Variants in TNNT2 observed in about 807,000 individuals in gnomAD.
TNNT2 encodes troponin T, cardiac muscle.
TNNT2 carries 34 observed loss-of-function variants against 62.4 expected under a neutral mutation model. The observed-to-expected ratio is 0.54, with a 90% CI of 0.41 to 0.72. TNNT2 has a LOEUF of 0.72. TNNT2 is among the 30% of genes least tolerant of loss of function. TNNT2 has a pLI of 0.00. For missense variants in TNNT2, 275 were observed against 381.9 expected, an observed-to-expected ratio of 0.72 and a Z score of 2.33; for synonymous variants, 123 against 127.2, an observed-to-expected ratio of 0.97 and a Z score of 0.22.
rs747787345 is a variant in TNNT2, at chr1:201,373,205, G to A, written c.41+9C>T. 1.1e-5 allele frequency: 17 copies of A among 1,614,078 alleles called. No homozygotes were observed. The highest frequency in any genetic ancestry group is 1.4e-5 in the Non-Finnish European group (17 of 1,179,940). On this transcript the variant is annotated intron_variant, in intron 2 of 16. Transcript: ENST00000656932. ...GACCCCACTCAGGCAAGATGCTCCA[G>A]ATACTCACTCCTCCTCGTACTCTTC...
At chr1:201,367,962 C>G (rs545528292) in intron 6 of TNNT2, among the ~76,000 whole-genome samples, 156 bp from the exon 7 acceptor site, 2 of 152,310 alleles carry the variant, frequency 1.3e-5, no homozygotes, top group Non-Finnish European at 2.9e-5. Flanking sequence ...ACACATTCCC[C>G]TGGACCCAAG....
intron 14 of TNNT2, 27 bp downstream of exon 14, chr1:201,361,886 C>T: frequency 6.2e-7 from 1 of 1,604,524 alleles, no homozygotes; most frequent in Non-Finnish European, 8.5e-7. Flanking sequence ...CGGGCAGTGC[C>T]CCAGGACCAT....
intron 5 of TNNT2, chr1:201,368,468 C>T: frequency 1.7e-6 from 1 of 603,306 alleles, no homozygotes; most frequent in Non-Finnish European, 3.1e-6. Flanking sequence ...GGGACTCCAC[C>T]TCATTCCCCA....
chr1:201,369,809 G>C lies in TNNT2; in HGVS notation c.97+7C>G, dbSNP rs1660341848. Reference sequence around the variant, plus strand: ...AGAAAGCACCACAGAAGGAAAGGCTGTACTACCGTCTTCGTCCTCTCTCCA... The same window carrying C: ...AGAAAGCACCACAGAAGGAAAGGCTCTACTACCGTCTTCGTCCTCTCTCCA... On this transcript the variant is annotated splice_region_variant and intron_variant, in intron 5 of 16. Coordinates refer to ENST00000656932, the MANE Select transcript of TNNT2 (RefSeq NM_001276345.2). 6.2e-7 allele frequency: 1 copy of C among 1,614,074 alleles called. No individual in the cohort carries two copies. The highest frequency in any genetic ancestry group is 8.5e-7 in the Non-Finnish European group (1 of 1,180,030).
At chr1:201,376,593 A>G (rs1201607511) in intron 1 of TNNT2, among the ~76,000 whole-genome samples, 1 of 152,158 alleles carries the variant, frequency 6.6e-6, no homozygotes, top group Non-Finnish European at 1.5e-5. Flanking sequence ...TTTTGCAGAG[A>G]GAAGGAAGAT....
chr1:201,363,722 G>T (rs1297182977), intron 11 of TNNT2: 1 of 419,736 alleles, frequency 2.4e-6, no homozygotes, highest in Non-Finnish European at 4.5e-6. Context: ...CGGGGCCTTC[G>T]GTTCCCACGA....
intron 4 of TNNT2, among the ~76,000 whole-genome samples, chr1:201,371,022 C>T (rs1001142745): frequency 6.6e-6 from 1 of 152,234 alleles, no homozygotes; most frequent in Non-Finnish European, 1.5e-5. Context: ...CTTCTGTCTC[C>T]TCTTTGGCCA....
intron 4 of TNNT2, among the ~76,000 whole-genome samples, chr1:201,370,950 G>C (rs2102302140): frequency 6.6e-6 from 1 of 152,280 alleles, no homozygotes; most frequent in South Asian, 2.1e-4. Flanking sequence ...TGAAGTATCT[G>C]GTGTTCCTTA....
At chr1:201,361,477 C>A in intron 14 of TNNT2, 108 bp from the exon 15 acceptor site, 1 of 1,078,266 alleles carries the variant, frequency 9.3e-7, no homozygotes. Flanking sequence ...CTTCCCACCT[C>A]CAGGCCTGCC....
chr1:201,364,198 A>C, intron 11 of TNNT2, 100 bp downstream of exon 11: 1 of 1,295,154 alleles, frequency 7.7e-7, no homozygotes. Flanking sequence ...TTGTCTCTTG[A>C]CTGATTTCAT....
At chr1:201,365,346 A>T in intron 9 of TNNT2, 39 bp from the exon 10 acceptor site, 1 of 1,559,794 alleles carries the variant, frequency 6.4e-7, no homozygotes, top group African/African-American at 1.4e-5. Flanking sequence ...CTGCCACTCC[A>T]AAGAGTCCAG....
At chr1:201,362,504 A>G in intron 12 of TNNT2, 110 bp from the exon 13 acceptor site, 1 of 1,391,150 alleles carries the variant, frequency 7.2e-7, no homozygotes, top group Non-Finnish European at 1.0e-6. Flanking sequence ...GGAAGAGAAG[A>G]TTCAGATACT....
chr1:201,376,014 C>A (rs1464891610), intron 1 of TNNT2, among the ~76,000 whole-genome samples: 1 of 152,226 alleles, frequency 6.6e-6, no homozygotes, highest in Non-Finnish European at 1.5e-5. Context: ...GGACCTGATG[C>A]AGGGGAAAGA....
intron 4 of TNNT2, among the ~76,000 whole-genome samples, chr1:201,370,232 CAG>C (rs1660415783): frequency 6.6e-6 from 1 of 152,192 alleles, no homozygotes; most frequent in Admixed American, 6.5e-5. Context: ...CCCTAAAGAG[CAG>C]AGAGTGGGGG....
At chr1:201,361,013 G>C in intron 15 of TNNT2, 1 of 515,680 alleles carries the variant, frequency 1.9e-6, no homozygotes, top group Non-Finnish European at 3.5e-6. Flanking sequence ...CTGCCTCAAC[G>C]TGTTGGAGAC....
intron 7 of TNNT2, chr1:201,367,336 G>A: frequency 2.6e-6 from 1 of 383,936 alleles, no homozygotes; most frequent in Non-Finnish European, 4.9e-6. Flanking sequence ...CCCCTTTGGA[G>A]AAGTGACTGG....
intron 1 of TNNT2, chr1:201,374,946 G>C (rs910399707): frequency 2.6e-5 from 4 of 152,240 alleles, no homozygotes; most frequent in African/African-American, 9.7e-5. Flanking sequence ...TGATGCTCAG[G>C]ACCACCCTCC....
chr1:201,368,325 G>A (rs767786507), intron 5 of TNNT2, 98 bp from the exon 6 acceptor site: 9 of 1,244,724 alleles, frequency 7.2e-6, no homozygotes, highest in Non-Finnish European at 1.0e-5. Context: ...TGGGGATGGG[G>A]GTCAAGACGT....
At chr1:201,360,085 C>G (rs1412606992) in intron 15 of TNNT2, among the ~76,000 whole-genome samples, 2 of 152,174 alleles carry the variant, frequency 1.3e-5, no homozygotes, top group Non-Finnish European at 2.9e-5. Context: ...CCATGCACCA[C>G]CCCTGCAGGG....
Sources: gnomAD v4.1 joint callset for allele counts (sites outside exome capture counted in the v4.1 genomes callset) on GRCh38, gnomAD v4.1.1 for gene constraint, MANE v1.5 for transcripts, NCBI Gene and HGNC (gene_info 2026-07-23, HGNC 2026-07-21) for gene names.